The following SMAD3 variants were observed in gnomAD, a reference collection of about 807,000 sequenced individuals.
SMAD3 encodes MAD homolog 3.
SMAD3 carries 12 observed loss-of-function variants against 51.8 expected under a neutral mutation model. The observed-to-expected ratio is 0.23, with a 90% confidence interval of 0.15 to 0.38. SMAD3 has a LOEUF of 0.38. SMAD3 is among the 10% of genes least tolerant of loss of function. The pLI, the probability that SMAD3 is intolerant of heterozygous loss-of-function variation, is 1.00. For synonymous variants in SMAD3, 238 were observed against 227.7 expected (o/e 1.05, Z -0.41); for missense variants, 294 against 565.6 (o/e 0.52, Z 4.87).
At chr15:67,150,154 CCTGAGGCA>C (rs1229438091) in intron 1 of SMAD3, among the ~76,000 whole-genome samples, 1 of 152,238 alleles carries the variant, frequency 6.6e-6, no homozygotes, top group African/African-American at 2.4e-5. Context: ...GAGCGCTTGT[CCTGAGGCA>C]CTGCCTCTCC....
At chr15:67,131,187 G>A (rs553216423) in intron 1 of SMAD3, among the ~76,000 whole-genome samples, 4 of 152,296 alleles carry the variant, frequency 2.6e-5, no homozygotes, top group African/African-American at 2.4e-5. Flanking sequence ...CTGAGGACCC[G>A]CGGCTTCGCA....
intron 1 of SMAD3, among the ~76,000 whole-genome samples, chr15:67,066,587 G>C (rs1468771298): frequency 6.6e-6 from 1 of 152,218 alleles, no homozygotes; most frequent in African/African-American, 2.4e-5. Flanking sequence ...GCTTCCACGC[G>C]GCACTCTGGC....
chr15:67,179,647 G>A (rs1962999439), intron 5 of SMAD3, among the ~76,000 whole-genome samples: 1 of 152,176 alleles, frequency 6.6e-6, no homozygotes, highest in African/African-American at 2.4e-5. Flanking sequence ...ACTCTGTCCT[G>A]CAGGGGCAAC....
chr15:67,096,854 T>G (rs189233247), intron 1 of SMAD3, among the ~76,000 whole-genome samples: 14 of 152,330 alleles, frequency 9.2e-5, no homozygotes, highest in East Asian at 1.9e-4. Flanking sequence ...GTGTGCTTGC[T>G]CTGAAGATTC....
intron 1 of SMAD3, chr15:67,078,031 G>C (rs1343179590): frequency 6.6e-6 from 1 of 152,248 alleles, no homozygotes; most frequent in South Asian, 2.1e-4. Context: ...TTTTCTGCCC[G>C]AGTTATCCAG....
chr15:67,137,427 T>G (rs1394977752), intron 1 of SMAD3, among the ~76,000 whole-genome samples: 1 of 152,228 alleles, frequency 6.6e-6, no homozygotes. Flanking sequence ...AAAATTTGGT[T>G]CTGATTCTGT....
chr15:67,145,182 AGG>A (rs1404111387), intron 1 of SMAD3, among the ~76,000 whole-genome samples: 2 of 152,226 alleles, frequency 1.3e-5, no homozygotes, highest in African/African-American at 4.8e-5. Flanking sequence ...CTGTCAGAAA[AGG>A]GACCTTGGAA....
At chr15:67,169,859 T>C (rs1962697771) in intron 4 of SMAD3, among the ~76,000 whole-genome samples, 1 of 128,888 alleles carries the variant, frequency 7.8e-6, no homozygotes, top group Non-Finnish European at 1.7e-5. Context: ...GCTGATACCA[T>C]GTGAGTTCTT....
At chr15:67,178,402 G>C (rs1293603156) in intron 5 of SMAD3, among the ~76,000 whole-genome samples, 1 of 152,152 alleles carries the variant, frequency 6.6e-6, no homozygotes, top group Non-Finnish European at 1.5e-5. Flanking sequence ...ACCCTGTTCT[G>C]TTCTACACAT....
chr15:67,179,247 C>G (rs571592999), intron 5 of SMAD3, among the ~76,000 whole-genome samples: 2 of 152,134 alleles, frequency 1.3e-5, no homozygotes, highest in African/African-American at 4.8e-5. Flanking sequence ...ATATCTAGGG[C>G]AATGGTTTTC....
At chr15:67,090,343 C>G (rs1403418941) in intron 1 of SMAD3, among the ~76,000 whole-genome samples, 1 of 152,136 alleles carries the variant, frequency 6.6e-6, no homozygotes, top group Non-Finnish European at 1.5e-5. Context: ...CTCTGAACTT[C>G]AACTTGGGGG....
intron 5 of SMAD3, among the ~76,000 whole-genome samples, chr15:67,173,254 G>A (rs1055906378): frequency 1.3e-5 from 2 of 152,132 alleles, no homozygotes; most frequent in Non-Finnish European, 2.9e-5. Flanking sequence ...TGCAGCCTGG[G>A]GGCGGGGAGG....
intron 1 of SMAD3, among the ~76,000 whole-genome samples, chr15:67,111,379 G>GT (rs1961011068): frequency 6.6e-6 from 1 of 152,098 alleles, no homozygotes; most frequent in African/African-American, 2.4e-5. Flanking sequence ...CATTTTGTTT[G>GT]TCCTTTCTTC....
chr15:67,174,090 G>GTT (rs954394303), intron 5 of SMAD3, among the ~76,000 whole-genome samples: 1 of 152,202 alleles, frequency 6.6e-6, no homozygotes, highest in African/African-American at 2.4e-5. Flanking sequence ...GAGAGAAGGG[G>GTT]TTTGGTGGTT....
intron 1 of SMAD3, among the ~76,000 whole-genome samples, chr15:67,137,814 C>G (rs1415165605): frequency 6.6e-6 from 1 of 152,170 alleles, no homozygotes; most frequent in Non-Finnish European, 1.5e-5. Flanking sequence ...AATGGCAGGT[C>G]AAAATGTCTT....
rs139337907 is a variant in SMAD3, at chr15:67,142,877, T to C, written c.207-22018T>C. 12 of 454,436 alleles carry C rather than the reference T, an allele frequency of 2.6e-5. 1 individual carries two copies. The highest frequency in any genetic ancestry group is 4.9e-5 in the Non-Finnish European group (11 of 226,016). The allele number at this position is 454,436 out of a possible 1,614,324, so 28.2% of individuals were successfully genotyped here. A position where few individuals can be genotyped will look rare whatever the true frequency, so the allele number is the denominator to read the frequency against. ...GCTGGAACACAGGGACATGATCCCATGTGCAGGAGACAGCTCCAGCCTCTG... is the reference window on the plus strand; with the variant it reads ...GCTGGAACACAGGGACATGATCCCACGTGCAGGAGACAGCTCCAGCCTCTG... On this transcript the variant is annotated intron_variant, in intron 1 of 8. Transcript: ENST00000327367.
At chr15:67,133,778 A>C (rs766117923) in intron 1 of SMAD3, among the ~76,000 whole-genome samples, 9 of 152,186 alleles carry the variant, frequency 5.9e-5, no homozygotes, top group Non-Finnish European at 8.8e-5. Flanking sequence ...ACAGTCTGAA[A>C]AGTGGCAGGG....
At chr15:67,187,287 G>A in intron 7 of SMAD3, 78 bp from the exon 8 acceptor site, 1 of 1,576,356 alleles carries the variant, frequency 6.3e-7, no homozygotes. Flanking sequence ...AGGGGGTCCA[G>A]GACTTGCTTT....
intron 3 of SMAD3, among the ~76,000 whole-genome samples, chr15:67,165,696 GC>G (rs1962566431): frequency 6.6e-6 from 1 of 152,242 alleles, no homozygotes; most frequent in Non-Finnish European, 1.5e-5. Context: ...CGCCCTTGAG[GC>G]CCGGACTGGT....
Sources: gnomAD v4.1 joint callset for allele counts (sites outside exome capture counted in the v4.1 genomes callset) on GRCh38, gnomAD v4.1.1 for gene constraint, MANE v1.5 for transcripts, NCBI Gene and HGNC (gene_info 2026-07-23, HGNC 2026-07-21) for gene names.